Variants in COL3A1 observed in about 807,000 individuals in gnomAD.
COL3A1 encodes the protein collagen type III alpha 1 chain, also known as collagen alpha-1(III) chain.
A neutral mutation model predicts 200.9 loss-of-function variants in COL3A1; 46 were observed. The observed-to-expected ratio is 0.23, with a 90% confidence interval of 0.18 to 0.29. The LOEUF (loss-of-function observed/expected upper bound fraction) is 0.29, where lower values mean the gene tolerates loss of function less well. Among genes scored for constraint, COL3A1 ranks in the 10% least tolerant of loss-of-function variants. The pLI, the probability that COL3A1 is intolerant of heterozygous loss-of-function variation, is 1.00. For synonymous variants in COL3A1, 650 were observed against 628.0 expected (o/e 1.03, Z -0.52); for missense variants, 1,367 against 1,917.6 (o/e 0.71, Z 5.36).
intron 34 of COL3A1, among the ~76,000 whole-genome samples, chr2:189,001,886 C>G (rs911359901): frequency 6.6e-6 from 1 of 152,146 alleles, no homozygotes; most frequent in East Asian, 1.9e-4. Context: ...CCTATAGAAT[C>G]TTTGCCTGAG....
chr2:188,982,722 A>G (rs1401521104), intron 1 of COL3A1, among the ~76,000 whole-genome samples: 1 of 151,836 alleles, frequency 6.6e-6, no homozygotes, highest in South Asian at 2.1e-4. Flanking sequence ...TAATGGGAAA[A>G]TCTTGGGCTG....
rs1688264531 is a variant in COL3A1, at chr2:188,994,696, T to G, written c.1348-28T>G. The stretch of plus-strand genomic sequence containing the variant: ...TGAACTAAATTCAGTCATAATTTCT[T>G]TATTTTACCATCTTTTTTTTTTTTC... On this transcript the variant is annotated intron_variant, in intron 19 of 50. Coordinates refer to ENST00000304636, the MANE Select transcript of COL3A1 (RefSeq NM_000090.4). This position sits in a 1 kb window ranked among gnomAD's most constrained non-coding sequence, Gnocchi z 4.5. The G allele has an allele frequency of 1.2e-6, 2 of 1,611,646 alleles. No homozygotes were observed. Among genetic ancestry groups the G allele is most frequent in the Non-Finnish European group, 1.7e-6 (2 of 1,178,632 alleles).
rs1687761075 is a variant in COL3A1, at chr2:188,974,380, T to C, written c.-110T>C. The C allele has an allele frequency of 1.3e-6, 1 of 790,296 alleles. No individual in the cohort carries two copies. The highest frequency in any genetic ancestry group is 1.7e-5 in the African/African-American group (1 of 57,878). The allele number at this position is 790,296 out of a possible 1,614,324, so 49.0% of individuals were successfully genotyped here. A position where few individuals can be genotyped will look rare whatever the true frequency, so the allele number is the denominator to read the frequency against. Reference sequence around the variant, plus strand: ...AAGCAAAGGAATCTCAGTGGCTGAGTTTTATGACGGGCCCGGTGCTGAAGG... The same window carrying C: ...AAGCAAAGGAATCTCAGTGGCTGAGCTTTATGACGGGCCCGGTGCTGAAGG... On this transcript the variant is annotated 5_prime_UTR_variant, in exon 1 of 51. Coordinates refer to ENST00000304636, the MANE Select transcript of COL3A1 (RefSeq NM_000090.4).
At chr2:188,993,039 G>T in intron 15 of COL3A1, 99 bp downstream of exon 15, 1 of 1,099,482 alleles carries the variant, frequency 9.1e-7, no homozygotes, top group Non-Finnish European at 1.4e-6. Context: ...TCAGTCAAAT[G>T]GATAGCTTTT....
chr2:188,994,713 T>C lies in COL3A1; in HGVS notation c.1348-11T>C, dbSNP rs1334349221. On this transcript the variant is annotated splice_polypyrimidine_tract_variant and intron_variant, in intron 19 of 50. Coordinates refer to ENST00000304636, the MANE Select transcript of COL3A1 (RefSeq NM_000090.4). This position sits in a 1 kb window ranked among gnomAD's most constrained non-coding sequence, Gnocchi z 4.5. ...TAATTTCTTTATTTTACCATCTTTTTTTTTTTTCAGGGTGAGGCTGGTATT... is the reference window on the plus strand; with the variant it reads ...TAATTTCTTTATTTTACCATCTTTTCTTTTTTTCAGGGTGAGGCTGGTATT... 6.2e-7 allele frequency: 1 copy of C among 1,613,396 alleles called. No homozygotes were observed. Among genetic ancestry groups the C allele is most frequent in the Non-Finnish European group, 8.5e-7 (1 of 1,179,724 alleles).
rs533969738 is a variant in COL3A1 at position 189,001,254 on chromosome 2, A to C, written c.2284-143A>C. 4.7e-5 allele frequency: 34 copies of C among 718,324 alleles called. No homozygotes were observed. In the African/African-American group the frequency reaches 5.5e-4, roughly 12 times the overall value. The allele number at this position is 718,324 out of a possible 1,614,324, so 44.5% of individuals were successfully genotyped here. On this transcript the variant is annotated intron_variant, in intron 32 of 50. Transcript: ENST00000304636. Reference sequence around the variant, plus strand: ...TGCAGTATTTACACATTGAGAGAAAAGCATAGCATTCAAGCCATAAAAATT... The same window carrying C: ...TGCAGTATTTACACATTGAGAGAAACGCATAGCATTCAAGCCATAAAAATT...
chr2:188,994,330 G>A lies in COL3A1; in HGVS notation c.1291G>A (p.Ala431Thr), dbSNP rs1323104826. ...TGGTGCTCCTGGACTGCGAGGTGGT[G>A]CAGTAAGTTGCCTTGTTTTTTCTCT... is the stretch of plus-strand genomic sequence containing the variant. ...ANGAPGLRGG[A>T]GEPGKNGAKG... The change falls in exon 18 of 51, where the codon GCA becomes ACA. Residue 431 changes from alanine (A) to threonine (T), a missense_variant and splice_region_variant. Coordinates refer to ENST00000304636, the MANE Select transcript of COL3A1 (RefSeq NM_000090.4). The surrounding 1 kb of genome is among the most constrained non-coding windows in gnomAD (Gnocchi z 4.5). 1 of 1,613,482 alleles carries A rather than the reference G, an allele frequency of 6.2e-7. No homozygotes were observed. The highest frequency in any genetic ancestry group is 8.5e-7 in the Non-Finnish European group (1 of 1,179,904).
At chr2:189,008,880 A>T in intron 47 of COL3A1, 44 bp from the exon 48 acceptor site, 1 of 1,588,042 alleles carries the variant, frequency 6.3e-7, no homozygotes, top group Non-Finnish European at 8.6e-7. Context: ...TAGAGTGGCG[A>T]CTGAATGTGC....
At chr2:188,987,774 A>G (rs1688094009) in intron 5 of COL3A1, among the ~76,000 whole-genome samples, 1 of 152,082 alleles carries the variant, frequency 6.6e-6, no homozygotes, top group African/African-American at 2.4e-5. Context: ...TAACCCTAAC[A>G]TTGCAGGGAT....
chr2:188,987,381 T>C (rs1688085525), intron 5 of COL3A1, among the ~76,000 whole-genome samples: 1 of 152,036 alleles, frequency 6.6e-6, no homozygotes, highest in Admixed American at 6.6e-5. Context: ...AGTCAACACT[T>C]ATTAACATCT....
At chr2:189,004,471 C>A (rs1242540789) in intron 40 of COL3A1, 107 bp downstream of exon 40, 3 of 999,034 alleles carry the variant, frequency 3.0e-6, no homozygotes, top group Admixed American at 2.7e-5. Context: ...AGTAAATTAG[C>A]CAGGAGATAA....
intron 21 of COL3A1, 147 bp downstream of exon 21, chr2:188,995,246 C>G (rs1688280346): frequency 7.9e-6 from 6 of 763,192 alleles, no homozygotes; most frequent in Non-Finnish European, 1.1e-5. Flanking sequence ...ATCCTCTGTT[C>G]AACAACTTTC....
intron 6 of COL3A1, 99 bp downstream of exon 6, chr2:188,988,233 C>T: frequency 9.6e-7 from 1 of 1,036,748 alleles, no homozygotes; most frequent in Non-Finnish European, 1.5e-6. Flanking sequence ...TGCATAATCC[C>T]AGTTAACTAG....
chr2:188,975,026 G>A (rs1263890845), intron 1 of COL3A1, among the ~76,000 whole-genome samples: 1 of 152,138 alleles, frequency 6.6e-6, no homozygotes, highest in East Asian at 1.9e-4. Flanking sequence ...ATTAAGAACA[G>A]TCTAAAGGAA....
Position 189,005,347 on chromosome 2 carries a change from C to A in COL3A1, c.2932-3C>A. Reference sequence around the variant, plus strand: ...AAAATGTTTTTCATTCCTTTGTATACAGGGTGAAAGTGGGAAACCAGGAGC... The same window carrying A: ...AAAATGTTTTTCATTCCTTTGTATAAAGGGTGAAAGTGGGAAACCAGGAGC... On this transcript the variant is annotated splice_polypyrimidine_tract_variant and splice_region_variant and intron_variant, in intron 40 of 50. Coordinates refer to ENST00000304636, the MANE Select transcript of COL3A1 (RefSeq NM_000090.4). 6.2e-7 allele frequency: 1 copy of A among 1,612,010 alleles called. No homozygotes were observed. The highest frequency in any genetic ancestry group is 8.5e-7 in the Non-Finnish European group (1 of 1,178,188).
At chr2:188,993,809 A>AT (rs1688238263) in intron 16 of COL3A1, among the ~76,000 whole-genome samples, 1 of 152,190 alleles carries the variant, frequency 6.6e-6, no homozygotes, top group East Asian at 1.9e-4. Context: ...AATCTCTTCT[A>AT]TTTATGTATC....
In COL3A1 at chr2:189,002,320, C is replaced by T; in HGVS notation, c.2414C>T (p.Pro805Leu). The stretch of plus-strand genomic sequence containing the variant: ...CAGGGTGAGAGAGGTGAAACTGGCC[C>T]TCCAGGACCTGCTGGTTTCCCTGGT... Reference protein sequence around the residue: ...GSPGERGETGPPGPAGFPGAP... With the variant: ...GSPGERGETGLPGPAGFPGAP... The change falls in exon 35 of 51, where the codon CCT becomes CTT. Residue 805 changes from proline (P) to leucine (L), a missense_variant. By Grantham distance (98) the Pro-to-Leu change is moderately conservative (BLOSUM62 -3). Around this residue, in one of 5 missense-constraint regions of COL3A1, gnomAD observed 846 missense variants for 1,147.9 expected, o/e 0.74. Transcript: ENST00000304636. The T allele has an allele frequency of 6.2e-7, 1 of 1,614,030 alleles. No homozygotes were observed. The highest frequency in any genetic ancestry group is 8.5e-7 in the Non-Finnish European group (1 of 1,179,928).
rs1373985256 is a variant in COL3A1, at chr2:189,003,356, T to G, written c.2554-55T>G. The G allele has an allele frequency of 2.0e-6, 3 of 1,521,738 alleles. No individual in the cohort carries two copies. In the East Asian group the frequency reaches 6.8e-5, roughly 34 times the overall value. 94.3% of individuals were successfully genotyped at this position (1,521,738 alleles called of 1,614,324 possible). A position where few individuals can be genotyped will look rare whatever the true frequency, so the allele number is the denominator to read the frequency against. On this transcript the variant is annotated intron_variant, in intron 36 of 50. Transcript: ENST00000304636. ...CTGGTTTTCAAAGGCTTAATGCTTT[T>G]CCCAAATTTTGATTTTGGTGCTATT...
At chr2:189,010,012 C>T (rs1688685234) in intron 48 of COL3A1, among the ~76,000 whole-genome samples, 166 bp from the exon 49 acceptor site, 1 of 152,200 alleles carries the variant, frequency 6.6e-6, no homozygotes, top group South Asian at 2.1e-4. Context: ...TCATAGCTAA[C>T]TCTTTTACCT....
Sources: gnomAD v4.1 joint callset for allele counts (sites outside exome capture counted in the v4.1 genomes callset) on GRCh38, gnomAD v4.1.1 for gene constraint, gnomAD v4.1.1 regional missense constraint, Gnocchi (gnomAD v3.1) non-coding constraint, MANE v1.5 for transcripts, NCBI Gene and HGNC (gene_info 2026-07-23, HGNC 2026-07-21) for gene names.